Variants in CNOT4 observed in about 807,000 individuals in gnomAD.
CNOT4 encodes the protein CCR4-associated factor 4.
CNOT4 carries 8 observed loss-of-function variants against 73.8 expected under a neutral mutation model. The ratio of observed to expected loss-of-function variants is 0.11; its 90% CI spans 0.06 to 0.20. The LOEUF (loss-of-function observed/expected upper bound fraction) is 0.20. CNOT4 is among the 10% of genes least tolerant of loss of function. The probability of loss-of-function intolerance (pLI) is 1.00; values close to 1 mark genes in which losing one functional copy is unlikely to be tolerated. For missense variants in CNOT4, 564 were observed against 883.4 expected (o/e 0.64, Z 4.58); for synonymous variants, 293 against 321.1 (o/e 0.91, Z 0.94).
Position 135,390,174 on chromosome 7 carries a change from G to A in CNOT4, c.1627+3744C>T, listed in dbSNP as rs920751491. Among the ~76,000 whole-genome samples the A allele has an allele frequency of 2.0e-5, 3 of 152,014 alleles. No individual in the cohort carries two copies. The South Asian group carries it at 6.2e-4, about 32-fold the overall frequency. On this transcript the variant is annotated intron_variant, in intron 10 of 11. Coordinates refer to ENST00000541284, the MANE Select transcript of CNOT4 (RefSeq NM_001190850.2). Reference sequence around the variant, plus strand: ...GTGTGAGAGCAAAAACAATTGCCACGGGAAGAAAGCCAAGTTAAAGCACAT... The same window carrying A: ...GTGTGAGAGCAAAAACAATTGCCACAGGAAGAAAGCCAAGTTAAAGCACAT...
Position 135,395,659 on chromosome 7 carries a change from T to C in CNOT4, c.1104A>G (p.Pro368=), listed in dbSNP as rs201411087. The change falls in exon 9 of 12, where the codon CCA becomes CCG. Residue 368 remains proline (P), a synonymous_variant. Coordinates refer to ENST00000541284, the MANE Select transcript of CNOT4 (RefSeq NM_001190850.2). ...PQTSSDWPTA[P]EPQSLFTSET... is the part of the protein sequence containing the mutation. Reference sequence around the variant, plus strand: ...CTGATGTGAAGAGGCTCTGTGGTTCTGGTGCTGTAGGCCAGTCACTGGATG... The same window carrying C: ...CTGATGTGAAGAGGCTCTGTGGTTCCGGTGCTGTAGGCCAGTCACTGGATG... 6.2e-7 allele frequency: 1 copy of C among 1,614,062 alleles called. No individual in the cohort carries two copies. Among genetic ancestry groups the C allele is most frequent in the East Asian group, 2.2e-5 (1 of 44,880 alleles).
At chr7:135,509,796 G>A (rs984613495) in intron 1 of CNOT4, 93 bp downstream of exon 1, 16 of 372,408 alleles carry the variant, frequency 4.3e-5, no homozygotes, top group Non-Finnish European at 6.2e-5. Context: ...GGGAGAAAGG[G>A]GGGTGCGGCC....
At chr7:135,380,800 C>A (rs923413528) in intron 10 of CNOT4, among the ~76,000 whole-genome samples, 1 of 152,226 alleles carries the variant, frequency 6.6e-6, no homozygotes, top group South Asian at 2.1e-4. Context: ...TCCTTCGGAG[C>A]CTTGTTTATT....
In CNOT4 at chr7:135,400,337, C is replaced by T. The variant is rs188535308; in HGVS notation, c.822-2111G>A. On this transcript the variant is annotated intron_variant, in intron 7 of 11. Coordinates refer to ENST00000541284, the MANE Select transcript of CNOT4 (RefSeq NM_001190850.2). ...TGTTTTAGAAAGATTAATTTGGTGG[C>T]GGAACATAATAGCGATAATCCGAGA... Among the ~76,000 whole-genome samples the T allele has an allele frequency of 2.4e-3, 369 of 151,924 alleles. 2 individuals carry two copies. Among genetic ancestry groups the T allele is most frequent in the African/African-American group, 8.5e-3 (353 of 41,452 alleles).
intron 2 of CNOT4, among the ~76,000 whole-genome samples, chr7:135,428,753 A>G (rs1224244006): frequency 6.6e-6 from 1 of 152,192 alleles, no homozygotes. Context: ...GTCACAGAGG[A>G]GAAGAAAGAG....
chr7:135,408,036 T>G (rs1382649973), intron 7 of CNOT4, among the ~76,000 whole-genome samples: 1 of 152,210 alleles, frequency 6.6e-6, no homozygotes. Flanking sequence ...TGAGACAGCT[T>G]TTTTTGTTTA....
intron 3 of CNOT4, among the ~76,000 whole-genome samples, chr7:135,417,203 T>C (rs578029401): frequency 6.6e-6 from 1 of 152,102 alleles, no homozygotes; most frequent in South Asian, 2.1e-4. Flanking sequence ...AATTCTTCAA[T>C]GATCTAGTTA....
intron 1 of CNOT4, among the ~76,000 whole-genome samples, chr7:135,456,563 C>T (rs1365151924): frequency 6.6e-6 from 1 of 151,954 alleles, no homozygotes; most frequent in African/African-American, 2.4e-5. Context: ...CCAGGACCTC[C>T]CCACCTTCTA....
chr7:135,494,603 T>C (rs1274078755), intron 1 of CNOT4, among the ~76,000 whole-genome samples: 1 of 151,988 alleles, frequency 6.6e-6, no homozygotes. Context: ...CAAGTACTAT[T>C]CCCAGAACCT....
rs748676359 is a variant in CNOT4, at chr7:135,363,740, A to G, written c.1840+114T>C. ...CTGAGAACGAAACAAGCCACTCCAC[A>G]CTTGCGGCTTTGTGAAAAGCAGCTT... On this transcript the variant is annotated intron_variant, in intron 11 of 11. Transcript: ENST00000541284. This position sits in a 1 kb window ranked among gnomAD's most constrained non-coding sequence, Gnocchi z 4.3. The G allele has an allele frequency of 2.5e-5, 21 of 835,982 alleles. No homozygotes were observed. The highest frequency in any genetic ancestry group is 3.5e-5 in the Non-Finnish European group (19 of 541,760). 51.8% of individuals were successfully genotyped at this position (835,982 alleles called of 1,614,324 possible).
intron 1 of CNOT4, among the ~76,000 whole-genome samples, chr7:135,469,243 A>C (rs760246199): frequency 6.6e-5 from 10 of 152,176 alleles, no homozygotes; most frequent in Non-Finnish European, 1.2e-4. Context: ...GGATCTCTTT[A>C]GTGAACATAT....
chr7:135,462,261 T>C (rs1359711042), intron 1 of CNOT4, among the ~76,000 whole-genome samples: 3 of 152,084 alleles, frequency 2.0e-5, no homozygotes, highest in African/African-American at 4.8e-5. Flanking sequence ...AAAAAATCTA[T>C]GTTTTTAGTT....
At chr7:135,431,840 T>C (rs1470385831) in intron 2 of CNOT4, among the ~76,000 whole-genome samples, 1 of 151,740 alleles carries the variant, frequency 6.6e-6, no homozygotes, top group Admixed American at 6.6e-5. Flanking sequence ...CTGAAAACTA[T>C]AAAACATTGC....
chr7:135,491,699 G>A (rs1027185306), intron 1 of CNOT4, among the ~76,000 whole-genome samples: 1 of 152,132 alleles, frequency 6.6e-6, no homozygotes, highest in South Asian at 2.1e-4. Context: ...GCAAGAAAGA[G>A]CAATTGAGGG....
chr7:135,397,058 T>C (rs1221313927), intron 8 of CNOT4, among the ~76,000 whole-genome samples: 2 of 152,152 alleles, frequency 1.3e-5, no homozygotes, highest in African/African-American at 4.8e-5. Flanking sequence ...GCATTTGAAG[T>C]CTGTGACCGC....
chr7:135,444,700 C>A, intron 1 of CNOT4: 1 of 1,245,514 alleles, frequency 8.0e-7, no homozygotes, highest in Non-Finnish European at 1.2e-6. Flanking sequence ...CTTCCGGCTG[C>A]TTGTTTGAAT....
At chr7:135,388,702 A>C in intron 10 of CNOT4, 1 of 1,499,538 alleles carries the variant, frequency 6.7e-7, no homozygotes. Flanking sequence ...CTGGGTGTAT[A>C]CATTAAAAGC....
intron 10 of CNOT4, among the ~76,000 whole-genome samples, chr7:135,369,644 G>T (rs949223862): frequency 6.6e-6 from 1 of 152,140 alleles, no homozygotes; most frequent in Non-Finnish European, 1.5e-5. Flanking sequence ...TCAGAAACCT[G>T]GTTCCTACTA....
chr7:135,366,619 C>A lies in CNOT4; in HGVS notation c.1628-2553G>T, dbSNP rs559719868. 2.6e-4 allele frequency among the ~76,000 whole-genome samples: 39 copies of A among 152,272 alleles called. 1 individual carries two copies. The highest frequency in any genetic ancestry group is 8.9e-4 in the African/African-American group (37 of 41,540). On this transcript the variant is annotated intron_variant, in intron 10 of 11. Coordinates refer to ENST00000541284, the MANE Select transcript of CNOT4 (RefSeq NM_001190850.2). The stretch of plus-strand genomic sequence containing the variant: ...AACAATCTTGACACCCCTCCTCCCC[C>A]CAAAAAATCATGTGCCTTGACATTT...
Sources: allele counts gnomAD v4.1 joint callset (sites outside exome capture counted in the v4.1 genomes callset), GRCh38; gene constraint gnomAD v4.1.1; non-coding constraint Gnocchi (gnomAD v3.1); transcripts MANE v1.5; gene names NCBI Gene and HGNC (gene_info 2026-07-23, HGNC 2026-07-21).